Variants in GLG1 observed in about 807,000 individuals in gnomAD.
The protein encoded by GLG1 is golgi glycoprotein 1.
Under a neutral mutation model 160.5 loss-of-function variants are expected in GLG1, and 38 were observed. The observed-to-expected ratio is 0.24, with a 90% CI of 0.18 to 0.31. The LOEUF is 0.31. Among genes scored for constraint, GLG1 ranks in the 10% least tolerant of loss-of-function variants. The pLI is 1.00. For missense variants in GLG1, 1,373 were observed against 1,505.2 expected (o/e 0.91, Z 1.45); for synonymous variants, 644 against 543.4 (o/e 1.19, Z -2.57).
At position 74,451,457 on chromosome 16, in the gene GLG1, T is replaced by G. The variant is rs1291257047; in HGVS notation, c.*1710A>C. On this transcript the variant is annotated 3_prime_UTR_variant, in exon 26 of 26. Transcript: ENST00000422840. Reference sequence around the variant, plus strand: ...CAGTCAGGTTAGACAAGGAGTAACTTGGATCAACTGATCCACAAACTGACA... The same window carrying G: ...CAGTCAGGTTAGACAAGGAGTAACTGGGATCAACTGATCCACAAACTGACA... The G allele has an allele frequency of 6.6e-6, 1 of 152,232 alleles. No homozygotes were observed. The highest frequency in any genetic ancestry group is 1.5e-5 in the Non-Finnish European group (1 of 68,058). The allele number at this position is 152,232 out of a possible 1,614,324, so 9.4% of individuals were successfully genotyped here.
intron 1 of GLG1, among the ~76,000 whole-genome samples, chr16:74,541,657 C>T (rs2017870648): frequency 2.0e-5 from 3 of 152,316 alleles, no homozygotes; most frequent in South Asian, 4.1e-4. Flanking sequence ...TATGCGACCA[C>T]TAGCCTTTCA....
intron 1 of GLG1, among the ~76,000 whole-genome samples, chr16:74,579,031 C>T (rs918657802): frequency 6.6e-6 from 1 of 152,016 alleles, no homozygotes; most frequent in Non-Finnish European, 1.5e-5. Context: ...TCAGGTTTGC[C>T]CTAGGAATGC....
At chr16:74,507,910 T>C (rs372472276) in intron 3 of GLG1, among the ~76,000 whole-genome samples, 4 of 152,120 alleles carry the variant, frequency 2.6e-5, no homozygotes, top group Non-Finnish European at 4.4e-5. Flanking sequence ...CTAAGGGAGT[T>C]TGAGATGTAG....
At chr16:74,588,455 G>A (rs1958099450) in intron 1 of GLG1, among the ~76,000 whole-genome samples, 3 of 151,722 alleles carry the variant, frequency 2.0e-5, no homozygotes, top group Admixed American at 1.3e-4. Context: ...TTTTGAGACA[G>A]GGTCTCACTC....
chr16:74,553,721 C>T (rs1014688899), intron 1 of GLG1, among the ~76,000 whole-genome samples: 1 of 152,164 alleles, frequency 6.6e-6, no homozygotes, highest in Non-Finnish European at 1.5e-5. Flanking sequence ...GATCCACCCG[C>T]CTCGGCCTCC....
At chr16:74,572,431 A>G (rs2018855531) in intron 1 of GLG1, among the ~76,000 whole-genome samples, 1 of 151,734 alleles carries the variant, frequency 6.6e-6, no homozygotes, top group Admixed American at 6.6e-5. Flanking sequence ...GAGTCACTTG[A>G]ACTTGGGAGG....
At chr16:74,468,855 A>C in intron 17 of GLG1, 91 bp downstream of exon 17, 1 of 786,002 alleles carries the variant, frequency 1.3e-6, no homozygotes, top group East Asian at 2.4e-5. Context: ...ACAGTAGTGG[A>C]TAAAATGCCT....
At chr16:74,544,029 T>C (rs981950733) in intron 1 of GLG1, among the ~76,000 whole-genome samples, 1 of 152,284 alleles carries the variant, frequency 6.6e-6, no homozygotes, top group Admixed American at 6.5e-5. Flanking sequence ...CTTGGAGAAG[T>C]GAAAGGAGAT....
intron 1 of GLG1, among the ~76,000 whole-genome samples, chr16:74,588,785 A>G (rs74915606): frequency 0.011 from 1,693 of 152,276 alleles, 30 homozygotes; most frequent in African/African-American, 0.039. Flanking sequence ...CACCTGTAAA[A>G]TAAGTCTCAT....
intron 3 of GLG1, among the ~76,000 whole-genome samples, chr16:74,504,824 T>C (rs1398768684): frequency 2.0e-5 from 3 of 152,166 alleles, no homozygotes; most frequent in African/African-American, 7.2e-5. Flanking sequence ...ATGGTGGTGT[T>C]CCTGCAAAGT....
chr16:74,491,322 CT>C (rs2015976437), intron 7 of GLG1, 107 bp from the exon 8 acceptor site: 13 of 803,982 alleles, frequency 1.6e-5, no homozygotes, highest in Non-Finnish European at 2.5e-5. Flanking sequence ...TACAATATAC[CT>C]ATCAGACATG....
Position 74,582,547 on chromosome 16 carries a change from G to A in GLG1, c.438+24110C>T, listed in dbSNP as rs193092289. Among the ~76,000 whole-genome samples the A allele has an allele frequency of 2.6e-3, 398 of 152,214 alleles. 2 individuals are homozygous for A. Among genetic ancestry groups the A allele is most frequent in the African/African-American group, 9.2e-3 (382 of 41,532 alleles). On this transcript the variant is annotated intron_variant, in intron 1 of 25. Transcript: ENST00000422840. Reference sequence around the variant, plus strand: ...GGTCAAAATCTGGGTTCTGCCGGGCGTGGGGGCTCACGCCTGTAATCCCAG... The same window carrying A: ...GGTCAAAATCTGGGTTCTGCCGGGCATGGGGGCTCACGCCTGTAATCCCAG...
Position 74,468,481 on chromosome 16 carries a change from C to T in GLG1, c.2436+465G>A, listed in dbSNP as rs143590464. The T allele has an allele frequency of 2.9e-3, 454 of 159,184 alleles. 4 individuals are homozygous for T. Among genetic ancestry groups the T allele is most frequent in the East Asian group, 0.018 (102 of 5,602 alleles). The allele number at this position is 159,184 out of a possible 1,614,324, so 9.9% of individuals were successfully genotyped here. On this transcript the variant is annotated intron_variant, in intron 17 of 25. Transcript: ENST00000422840. ...GAATTACAGACCTCAAGTGATTTGA[C>T]CGCATTTGCCTCCCAAAGTGCTGGA...
intron 11 of GLG1, among the ~76,000 whole-genome samples, chr16:74,479,248 A>C (rs945608585): frequency 6.7e-6 from 1 of 150,150 alleles, no homozygotes; most frequent in African/African-American, 2.4e-5. Flanking sequence ...CAAAAAAAAA[A>C]AAAAAAAAGG....
chr16:74,564,786 T>G (rs2018604538), intron 1 of GLG1, among the ~76,000 whole-genome samples: 1 of 152,216 alleles, frequency 6.6e-6, no homozygotes, highest in Non-Finnish European at 1.5e-5. Flanking sequence ...TCACTCATGC[T>G]AAATGCAACA....
In GLG1 at chr16:74,485,797, T is replaced by C. The variant is rs774634106; in HGVS notation, c.1570A>G (p.Met524Val). The C allele has an allele frequency of 2.5e-6, 4 of 1,612,046 alleles. No homozygotes were observed. The highest frequency in any genetic ancestry group is 1.7e-5 in the Admixed American group (1 of 59,702). ...AATACCATGGAGAAGATAACTTACA[T>C]TGGGTCTCCAGATCTTATATGTTTG... ...ACKHIRSGDP[M>V]ILSCLMEHLY... The change falls in exon 9 of 26, where the codon ATG becomes GTG. Residue 524 changes from methionine (M) to valine (V), a missense_variant and splice_region_variant. By Grantham distance (21) the Met-to-Val change is conservative. Transcript: ENST00000422840.
chr16:74,595,659 G>A (rs1180167124), intron 1 of GLG1, among the ~76,000 whole-genome samples: 1 of 152,056 alleles, frequency 6.6e-6, no homozygotes, highest in Non-Finnish European at 1.5e-5. Flanking sequence ...TTGTATTATG[G>A]TTTTCAGTAA....
chr16:74,596,036 T>A (rs903375441), intron 1 of GLG1, among the ~76,000 whole-genome samples: 1 of 152,048 alleles, frequency 6.6e-6, no homozygotes. Flanking sequence ...GGCAGGAGAA[T>A]TGCTCGAACC....
chr16:74,602,230 A>C (rs1302435442), intron 1 of GLG1, among the ~76,000 whole-genome samples: 4 of 152,194 alleles, frequency 2.6e-5, no homozygotes, highest in Non-Finnish European at 5.9e-5. Flanking sequence ...CTCTGTGCAA[A>C]GCTTAGAGCA....
Sources: allele counts gnomAD v4.1 joint callset (sites outside exome capture counted in the v4.1 genomes callset), GRCh38; gene constraint gnomAD v4.1.1; transcripts MANE v1.5; gene names NCBI Gene and HGNC (gene_info 2026-07-23, HGNC 2026-07-21).